The following HECTD4 variants were observed in gnomAD, a reference collection of about 807,000 sequenced individuals.
HECTD4 encodes the protein HECT domain E3 ubiquitin protein ligase 4.
HECTD4 carries 114 observed loss-of-function variants against 471.5 expected under a neutral mutation model. That is an observed-to-expected ratio of 0.24 (90% CI 0.21 to 0.28). The LOEUF is 0.28. Ranked by LOEUF, HECTD4 falls within the 10% of genes least tolerant of loss-of-function variation. The probability of loss-of-function intolerance (pLI) is 1.00; values close to 1 mark genes in which losing one functional copy is unlikely to be tolerated. For missense variants in HECTD4, 3,866 were observed against 5,651.5 expected (o/e 0.68, Z 10.13); for synonymous variants, 2,012 against 2,256.0 (o/e 0.89, Z 3.07).
At chr12:112,284,870 A>T (rs1156856838) in intron 7 of HECTD4, among the ~76,000 whole-genome samples, 1 of 151,776 alleles carries the variant, frequency 6.6e-6, no homozygotes, top group Non-Finnish European at 1.5e-5. Context: ...TTGCTCTGTC[A>T]CTCAGGCTAC....
At chr12:112,315,400 T>C (rs1445948016) in intron 2 of HECTD4, among the ~76,000 whole-genome samples, 1 of 152,214 alleles carries the variant, frequency 6.6e-6, no homozygotes, top group Non-Finnish European at 1.5e-5. Flanking sequence ...TCCTGTTAAT[T>C]GCCCCTTTCA....
rs187894136 is a variant in HECTD4, at chr12:112,266,850, G to C, written c.2392+62C>G. On this transcript the variant is annotated intron_variant, in intron 14 of 75. Coordinates refer to ENST00000682272, the MANE Select transcript of HECTD4 (RefSeq NM_001388303.1). ...AGTGTAAATATTATCTGAATATGCA[G>C]TTGTTTCCTTGGGGACAAAAAAAGG... The C allele has an allele frequency of 1.3e-5, 11 of 827,200 alleles. No individual in the cohort carries two copies. The Admixed American group carries it at 2.3e-4, about 17-fold the overall frequency. 51.2% of individuals were successfully genotyped at this position (827,200 alleles called of 1,614,324 possible).
chr12:112,183,093 C>T lies in HECTD4; in HGVS notation c.10953G>A (p.Gly3651=), dbSNP rs779802469. 12 of 1,613,628 alleles carry T rather than the reference C, an allele frequency of 7.4e-6. No homozygotes were observed. The highest frequency in any genetic ancestry group is 1.0e-5 in the Non-Finnish European group (12 of 1,179,614). Residue 3651 remains glycine, a synonymous_variant, in exon 62 of 76, where the codon GGG becomes GGA. Transcript: ENST00000682272. ...ACTTATCATTGAAATAATCTTCTAA[C>T]CCTGGGCTCCCTTGAGTATCAAAGA... ...QSLFDTQGSP[G]LEDYFNDKSI... is the part of the protein sequence containing the mutation.
At chr12:112,320,791 A>C (rs1464815747) in intron 1 of HECTD4, among the ~76,000 whole-genome samples, 2 of 152,118 alleles carry the variant, frequency 1.3e-5, no homozygotes, top group African/African-American at 4.8e-5. Context: ...TTCAAAACCT[A>C]ATATATATAT....
intron 44 of HECTD4, among the ~76,000 whole-genome samples, chr12:112,220,642 C>A (rs985419857): frequency 6.6e-6 from 1 of 151,864 alleles, no homozygotes; most frequent in Admixed American, 6.6e-5. Flanking sequence ...ACAAAAAATA[C>A]AAAAATTAGC....
intron 1 of HECTD4, among the ~76,000 whole-genome samples, chr12:112,372,496 C>T (rs1160260402): frequency 1.1e-5 from 1 of 90,590 alleles, no homozygotes; most frequent in East Asian, 3.5e-4. Flanking sequence ...CTCCTGACCT[C>T]GTGATCCGCC....
chr12:112,276,133 C>A (rs1302925767), intron 9 of HECTD4, among the ~76,000 whole-genome samples: 1 of 152,182 alleles, frequency 6.6e-6, no homozygotes, highest in African/African-American at 2.4e-5. Context: ...AAGGCAAGCA[C>A]CAATTCTTCC....
At position 112,250,240 on chromosome 12, in the gene HECTD4, T is replaced by C. The variant is rs761583289; in HGVS notation, c.3854A>G (p.Tyr1285Cys). Residue 1285 changes from tyrosine to cysteine, a missense_variant, in exon 25 of 76, where the codon TAC becomes TGC. Around this residue, in one of 16 missense-constraint regions of HECTD4, gnomAD observed 281 missense variants for 499.9 expected, o/e 0.56. Transcript: ENST00000682272. Reference protein sequence around the residue: ...SDVLVPPVGNYFDLPRIRLPP... With the variant: ...SDVLVPPVGNCFDLPRIRLPP... ...CAGTCTGATCCGAGGCAGATCAAAG[T>C]AGTTTCCAACAGGAGGCACGAGGAC... 3 of 1,613,844 alleles carry C rather than the reference T, an allele frequency of 1.9e-6. No homozygotes were observed. The highest frequency in any genetic ancestry group is 1.1e-5 in the South Asian group (1 of 91,090).
At chr12:112,377,342 C>T (rs1021351404) in intron 1 of HECTD4, among the ~76,000 whole-genome samples, 5 of 151,958 alleles carry the variant, frequency 3.3e-5, no homozygotes, top group Non-Finnish European at 5.9e-5. Context: ...CTGAGCTATA[C>T]TTTTCTCTTT....
Position 112,185,509 on chromosome 12 carries a change from A to T in HECTD4, c.9473-16T>A. On this transcript the variant is annotated splice_polypyrimidine_tract_variant and intron_variant, in intron 60 of 75. Coordinates refer to ENST00000682272, the MANE Select transcript of HECTD4 (RefSeq NM_001388303.1). ...AAGAAGTTTCCTGAGGCAAATGAAA[A>T]TAGTAACAGTAATTACTATGCAGCA... 6.6e-7 allele frequency: 1 copy of T among 1,522,690 alleles called. No individual in the cohort carries two copies. The highest frequency in any genetic ancestry group is 1.3e-5 in the South Asian group (1 of 77,480). 94.3% of individuals were successfully genotyped at this position (1,522,690 alleles called of 1,614,324 possible).
At chr12:112,168,223 C>T (rs906443817) in intron 70 of HECTD4, among the ~76,000 whole-genome samples, 1 of 152,128 alleles carries the variant, frequency 6.6e-6, no homozygotes, top group Middle Eastern at 3.2e-3. Flanking sequence ...GTGAGGTCAC[C>T]GCAGGTCCCC....
chr12:112,247,977 T>TAC (rs59881558), intron 27 of HECTD4, 90 bp downstream of exon 27: 113,543 of 672,158 alleles, frequency 0.17, 3,928 homozygotes, highest in African/African-American at 0.23. Flanking sequence ...TTATTTTACC[T>TAC]ACACACACAC....
At chr12:112,362,730 G>T (rs2036475794) in intron 1 of HECTD4, among the ~76,000 whole-genome samples, 2 of 151,122 alleles carry the variant, frequency 1.3e-5, no homozygotes, top group South Asian at 4.2e-4. Context: ...TTGAGATGGG[G>T]TCTCATTCTG....
At chr12:112,370,732 T>C (rs1019981346) in intron 1 of HECTD4, among the ~76,000 whole-genome samples, 2 of 152,160 alleles carry the variant, frequency 1.3e-5, no homozygotes, top group Non-Finnish European at 2.9e-5. Context: ...GACTTCAGTT[T>C]TACCTGTTAT....
Position 112,184,873 on chromosome 12 carries a change from G to A in HECTD4, c.10093C>T (p.Arg3365Cys), listed in dbSNP as rs753709025. ...TGTGGGTCCTTCCTGGTGAGGTGGC[G>A]GAGGATGATGAGCAGGGTGAGTGCG... Reference protein sequence around the residue: ...HRALTLLIILRHLTRKDPQGL... With the variant: ...HRALTLLIILCHLTRKDPQGL... The change falls in exon 61 of 76, where the codon CGC (arginine) becomes TGC (cysteine). Residue 3365 changes from arginine (R) to cysteine (C), a missense_variant. By Grantham distance (180) the Arg-to-Cys change is radical. This residue lies in a region of HECTD4 where 71 missense variants were observed against 144.5 expected (regional missense o/e 0.49). Transcript: ENST00000682272. This position sits in a 1 kb window ranked among gnomAD's most constrained non-coding sequence, Gnocchi z 9.1. 1.9e-6 allele frequency: 3 copies of A among 1,608,618 alleles called. No individual in the cohort carries two copies. The highest frequency in any genetic ancestry group is 2.6e-6 in the Non-Finnish European group (3 of 1,175,986).
intron 1 of HECTD4, among the ~76,000 whole-genome samples, chr12:112,349,914 A>C (rs2036222068): frequency 6.6e-6 from 1 of 152,106 alleles, no homozygotes; most frequent in Admixed American, 6.6e-5. Flanking sequence ...GTAAATGTTC[A>C]TATTTTTTGG....
intron 34 of HECTD4, among the ~76,000 whole-genome samples, chr12:112,237,596 C>G (rs989132810): frequency 6.6e-6 from 1 of 152,196 alleles, no homozygotes; most frequent in African/African-American, 2.4e-5. Context: ...CTCCTTCCTT[C>G]AAGAGTAACT....
At chr12:112,229,627 A>G in intron 41 of HECTD4, 71 bp downstream of exon 41, 5 of 1,421,030 alleles carry the variant, frequency 3.5e-6, no homozygotes, top group Non-Finnish European at 4.8e-6. Flanking sequence ...TGTCTTACAG[A>G]TGATCAATTA....
intron 10 of HECTD4, among the ~76,000 whole-genome samples, chr12:112,274,300 T>A (rs555402481): frequency 6.6e-6 from 1 of 152,248 alleles, no homozygotes; most frequent in African/African-American, 2.4e-5. Context: ...GAATTTCTTA[T>A]AGGCATCATC....
Sources: allele counts gnomAD v4.1 joint callset (sites outside exome capture counted in the v4.1 genomes callset), GRCh38; gene constraint gnomAD v4.1.1; regional missense constraint gnomAD v4.1.1; non-coding constraint Gnocchi (gnomAD v3.1); transcripts MANE v1.5; gene names NCBI Gene and HGNC (gene_info 2026-07-23, HGNC 2026-07-21).